Variants in CSMD1 observed in about 807,000 individuals in gnomAD.
The protein encoded by CSMD1 is CUB and Sushi multiple domains 1, also known as CUB and sushi domain-containing protein 1.
CSMD1 carries 213 observed loss-of-function variants against 417.5 expected under a neutral mutation model. That is an observed-to-expected ratio of 0.51 (90% CI 0.46 to 0.57). CSMD1 has a LOEUF of 0.57. Ranked by LOEUF, CSMD1 falls within the 20% of genes least tolerant of loss-of-function variation. The probability of loss-of-function intolerance (pLI) is 0.00; values close to 1 mark genes in which losing one functional copy is unlikely to be tolerated. For missense variants in CSMD1, 6,923 were observed against 4,529.7 expected (o/e 1.53, Z -15.17); for synonymous variants, 2,862 against 1,736.8 (o/e 1.65, Z -16.11).
chr8:4,358,481 C>T (rs1563090603), intron 3 of CSMD1, among the ~76,000 whole-genome samples: 1 of 152,216 alleles, frequency 6.6e-6, no homozygotes, highest in Non-Finnish European at 1.5e-5. Context: ...CTCCTTTCCA[C>T]AAGGTGTATG....
intron 47 of CSMD1, among the ~76,000 whole-genome samples, chr8:3,093,623 G>C (rs891764563): frequency 6.6e-6 from 1 of 151,966 alleles, no homozygotes; most frequent in East Asian, 1.9e-4. Context: ...AGCTGAGGTT[G>C]TGCCATTGCA....
At chr8:3,873,315 A>T (rs1805605689) in intron 5 of CSMD1, among the ~76,000 whole-genome samples, 2 of 152,192 alleles carry the variant, frequency 1.3e-5, no homozygotes, top group African/African-American at 4.8e-5. Flanking sequence ...AATGCCCATC[A>T]GCTGTAGAAT....
intron 3 of CSMD1, among the ~76,000 whole-genome samples, chr8:4,276,563 C>A (rs1468387767): frequency 6.6e-6 from 1 of 152,062 alleles, no homozygotes; most frequent in Non-Finnish European, 1.5e-5. Context: ...GCACGTTCTG[C>A]ACATGTACCC....
intron 1 of CSMD1, among the ~76,000 whole-genome samples, chr8:4,972,377 G>T (rs561479382): frequency 2.0e-5 from 3 of 152,110 alleles, no homozygotes; most frequent in Non-Finnish European, 2.9e-5. Context: ...CATGGGAGCA[G>T]TTCCCCCCAT....
chr8:3,866,747 G>A (rs1338392547), intron 5 of CSMD1, among the ~76,000 whole-genome samples: 1 of 152,030 alleles, frequency 6.6e-6, no homozygotes. Flanking sequence ...GGATTCTCCT[G>A]ATGGTACAAA....
intron 5 of CSMD1, among the ~76,000 whole-genome samples, chr8:3,920,433 A>T (rs1809161235): frequency 6.6e-6 from 1 of 151,898 alleles, no homozygotes; most frequent in South Asian, 2.1e-4. Context: ...GAAAACATAA[A>T]ATTTTACTTC....
At chr8:3,965,853 A>G (rs138333388) in intron 5 of CSMD1, among the ~76,000 whole-genome samples, 78 of 152,248 alleles carry the variant, frequency 5.1e-4, no homozygotes, top group African/African-American at 1.9e-3. Flanking sequence ...TCTTGACCTC[A>G]TACTGTGCCA....
intron 7 of CSMD1, among the ~76,000 whole-genome samples, chr8:3,661,985 G>A (rs1465027084): frequency 1.3e-5 from 2 of 152,184 alleles, no homozygotes; most frequent in African/African-American, 4.8e-5. Context: ...CTGCGGGAGA[G>A]AGGAGCTACG....
intron 3 of CSMD1, among the ~76,000 whole-genome samples, chr8:4,103,619 T>C (rs950160783): frequency 6.6e-6 from 1 of 152,142 alleles, no homozygotes; most frequent in Non-Finnish European, 1.5e-5. Context: ...TAAACACTTG[T>C]GTAGTCTTAA....
intron 18 of CSMD1, among the ~76,000 whole-genome samples, chr8:3,382,756 A>G (rs1282839455): frequency 1.3e-5 from 2 of 151,508 alleles, no homozygotes; most frequent in African/African-American, 4.8e-5. Flanking sequence ...TTTCATGTGT[A>G]TATTACATGG....
At chr8:3,635,142 G>T (rs1469975761) in intron 7 of CSMD1, among the ~76,000 whole-genome samples, 1 of 152,096 alleles carries the variant, frequency 6.6e-6, no homozygotes, top group Admixed American at 6.5e-5. Context: ...AGTGGACGGT[G>T]AGTGCGTGTG....
intron 5 of CSMD1, among the ~76,000 whole-genome samples, chr8:3,869,404 T>A (rs1805326709): frequency 6.6e-6 from 1 of 152,164 alleles, no homozygotes; most frequent in South Asian, 2.1e-4. Flanking sequence ...ATTGACTTAT[T>A]TTGTTTACTC....
At chr8:3,910,062 C>T (rs1022689142) in intron 5 of CSMD1, among the ~76,000 whole-genome samples, 2 of 152,086 alleles carry the variant, frequency 1.3e-5, no homozygotes, top group Admixed American at 6.6e-5. Flanking sequence ...ATCACTAGAG[C>T]AAAGACCAGC....
In CSMD1 at chr8:3,424,110, C is replaced by G. The variant is rs575372394; in HGVS notation, c.1562-14505G>C. Among the ~76,000 whole-genome samples, 3 of 152,188 alleles carry G rather than the reference C, an allele frequency of 2.0e-5. No individual in the cohort carries two copies. The South Asian group carries it at 6.2e-4, about 32-fold the overall frequency. ...CATTATTCAATTATAAGTATGAACA[C>G]AAATTTATCAGTATAGGAAGCTCAT... On this transcript the variant is annotated intron_variant, in intron 12 of 69. Transcript: ENST00000635120.
At chr8:4,705,306 A>G (rs943672033) in intron 1 of CSMD1, among the ~76,000 whole-genome samples, 1 of 152,156 alleles carries the variant, frequency 6.6e-6, no homozygotes, top group Non-Finnish European at 1.5e-5. Flanking sequence ...ATTAAAAATA[A>G]CACATAGTTC....
chr8:4,800,300 G>A (rs1175342360), intron 1 of CSMD1, among the ~76,000 whole-genome samples: 2 of 151,874 alleles, frequency 1.3e-5, no homozygotes, highest in East Asian at 3.9e-4. Context: ...GCATGGTGGT[G>A]CACACATGTA....
chr8:3,949,491 G>T (rs1811458481), intron 5 of CSMD1, among the ~76,000 whole-genome samples: 1 of 152,120 alleles, frequency 6.6e-6, no homozygotes. Context: ...TAAATTAAAA[G>T]GTTATTATTA....
At chr8:4,113,627 A>C (rs1453890226) in intron 3 of CSMD1, among the ~76,000 whole-genome samples, 2 of 151,976 alleles carry the variant, frequency 1.3e-5, no homozygotes, top group African/African-American at 4.8e-5. Context: ...GATGGTCTTG[A>C]ACTCCTGACC....
chr8:3,982,851 G>A (rs900349391), intron 5 of CSMD1, among the ~76,000 whole-genome samples: 7 of 152,178 alleles, frequency 4.6e-5, no homozygotes, highest in African/African-American at 1.7e-4. Flanking sequence ...GCAGCTCTAC[G>A]CATACCAAGG....
Sources: gnomAD v4.1 joint callset for allele counts (sites outside exome capture counted in the v4.1 genomes callset) on GRCh38, gnomAD v4.1.1 for gene constraint, MANE v1.5 for transcripts, NCBI Gene and HGNC (gene_info 2026-07-23, HGNC 2026-07-21) for gene names.